Variants in FER1L6 observed in about 807,000 individuals in gnomAD.
FER1L6 encodes the protein fer-1-like protein 6.
FER1L6 carries 177 observed loss-of-function variants against 219.2 expected under a neutral mutation model. The ratio of observed to expected loss-of-function variants is 0.81; its 90% CI spans 0.71 to 0.91. The LOEUF (loss-of-function observed/expected upper bound fraction) is 0.91, where lower values mean the gene tolerates loss of function less well. Among genes scored for constraint, FER1L6 ranks in the 40% least tolerant of loss-of-function variants. The probability of loss-of-function intolerance (pLI) is 0.00; values close to 1 mark genes in which losing one functional copy is unlikely to be tolerated. For synonymous variants in FER1L6, 768 were observed against 824.3 expected (o/e 0.93, Z 1.17); for missense variants, 2,153 against 2,259.9 (o/e 0.95, Z 0.96).
At chr8:124,071,075 T>C (rs1172860884) in intron 30 of FER1L6, among the ~76,000 whole-genome samples, 2 of 152,222 alleles carry the variant, frequency 1.3e-5, no homozygotes, top group Non-Finnish European at 2.9e-5. Flanking sequence ...AGTTTGCCCA[T>C]CTGGATTCAA....
At chr8:123,954,143 G>A (rs1443600168) in intron 1 of FER1L6, among the ~76,000 whole-genome samples, 1 of 152,168 alleles carries the variant, frequency 6.6e-6, no homozygotes, top group African/African-American at 2.4e-5. Context: ...GGAAACTGAG[G>A]ATCAGGGAGG....
intron 39 of FER1L6, among the ~76,000 whole-genome samples, chr8:124,107,776 C>G (rs1002229567): frequency 2.0e-5 from 3 of 152,032 alleles, no homozygotes; most frequent in Non-Finnish European, 4.4e-5. Flanking sequence ...TTCGGAGGGT[C>G]CATTTGAAGA....
chr8:124,084,668 A>G (rs1167964773), intron 33 of FER1L6, among the ~76,000 whole-genome samples: 1 of 152,012 alleles, frequency 6.6e-6, no homozygotes, highest in Non-Finnish European at 1.5e-5. Context: ...GTTTGCTAGT[A>G]TTTTGTTGAA....
At chr8:124,056,968 TG>T (rs1210945801) in intron 22 of FER1L6, among the ~76,000 whole-genome samples, 1 of 152,096 alleles carries the variant, frequency 6.6e-6, no homozygotes, top group Non-Finnish European at 1.5e-5. Context: ...TGCTTGAACC[TG>T]GGAGGCGGAG....
At chr8:124,068,654 A>G (rs1240084020) in intron 28 of FER1L6, among the ~76,000 whole-genome samples, 1 of 152,222 alleles carries the variant, frequency 6.6e-6, no homozygotes, top group Non-Finnish European at 1.5e-5. Flanking sequence ...CTTTGGAGTC[A>G]GTCCAAGTTC....
chr8:124,070,875 G>A (rs533840285), intron 30 of FER1L6, among the ~76,000 whole-genome samples: 40 of 152,186 alleles, frequency 2.6e-4, no homozygotes, highest in African/African-American at 9.2e-4. Flanking sequence ...TCTCCCCTCC[G>A]GCATACCAAA....
chr8:123,981,990 T>A lies in FER1L6; in HGVS notation c.1410+1179T>A, dbSNP rs116051426. On this transcript the variant is annotated intron_variant, in intron 11 of 40. Transcript: ENST00000522917. ...GAAGCAGCTATTCAGAGCTTTCCAA[T>A]CTGTTTGTGACTTTGGAAACTTAGT... 5.4e-3 allele frequency among the ~76,000 whole-genome samples: 817 copies of A among 152,294 alleles called. 7 individuals carry two copies. Among genetic ancestry groups the A allele is most frequent in the African/African-American group, 0.019 (774 of 41,576 alleles).
chr8:124,112,941 C>T (rs1275918802), intron 39 of FER1L6, among the ~76,000 whole-genome samples: 1 of 152,086 alleles, frequency 6.6e-6, no homozygotes, highest in Non-Finnish European at 1.5e-5. Context: ...AAAAATAGCA[C>T]ACATATGTAT....
At chr8:124,115,781 TAA>T (rs1465910969) in intron 39 of FER1L6, among the ~76,000 whole-genome samples, 12 of 152,172 alleles carry the variant, frequency 7.9e-5, no homozygotes, top group Non-Finnish European at 1.6e-4. Flanking sequence ...CAGTGAGACT[TAA>T]AGAGAGCAGG....
chr8:124,085,316 A>G (rs141785679), intron 33 of FER1L6, among the ~76,000 whole-genome samples: 71 of 152,062 alleles, frequency 4.7e-4, no homozygotes, highest in African/African-American at 1.7e-3. Flanking sequence ...ATATTGTTAC[A>G]TTATTTATTT....
intron 1 of FER1L6, among the ~76,000 whole-genome samples, chr8:123,950,287 G>A (rs1303145839): frequency 2.0e-5 from 3 of 152,190 alleles, no homozygotes; most frequent in Admixed American, 1.3e-4. Flanking sequence ...GGAGAAGATG[G>A]AGGCCAGTGA....
chr8:124,016,224 G>C (rs1818193920), intron 15 of FER1L6, among the ~76,000 whole-genome samples: 1 of 152,080 alleles, frequency 6.6e-6, no homozygotes, highest in Non-Finnish European at 1.5e-5. Flanking sequence ...GGCAGGAATG[G>C]GGCAACAAGA....
At chr8:124,035,680 C>G (rs1193490250) in intron 19 of FER1L6, among the ~76,000 whole-genome samples, 1 of 152,180 alleles carries the variant, frequency 6.6e-6, no homozygotes, top group Non-Finnish European at 1.5e-5. Flanking sequence ...TTATGTTTCT[C>G]TGTTAATAGA....
intron 17 of FER1L6, among the ~76,000 whole-genome samples, chr8:124,022,242 T>C (rs1818488255): frequency 2.6e-5 from 4 of 152,178 alleles, no homozygotes. Context: ...CCTGGAGGCA[T>C]ATTACTCGGT....
At chr8:123,931,312 ACTGGAAGAATCAGCT>A (rs1387495615) in intron 1 of FER1L6, among the ~76,000 whole-genome samples, 4 of 152,170 alleles carry the variant, frequency 2.6e-5, no homozygotes, top group Non-Finnish European at 5.9e-5. Flanking sequence ...CTGGTAGAAG[ACTGGAAGAATCAGCT>A]CTCTTTCTCT....
intron 18 of FER1L6, among the ~76,000 whole-genome samples, chr8:124,030,844 C>T (rs944122231): frequency 1.3e-5 from 2 of 152,036 alleles, no homozygotes; most frequent in African/African-American, 4.8e-5. Context: ...TGAGTTACTA[C>T]CTCTCTCTCT....
At chr8:124,085,164 T>G (rs1359183131) in intron 33 of FER1L6, among the ~76,000 whole-genome samples, 2 of 152,076 alleles carry the variant, frequency 1.3e-5, no homozygotes, top group African/African-American at 2.4e-5. Context: ...ATTTAGGAGG[T>G]CTCCCATTTT....
At chr8:123,895,287 T>G (rs1476698716) in intron 1 of FER1L6, among the ~76,000 whole-genome samples, 2 of 152,172 alleles carry the variant, frequency 1.3e-5, no homozygotes, top group African/African-American at 2.4e-5. Context: ...GAAGGAGACT[T>G]GAGAGATGTG....
chr8:123,944,839 T>A (rs1211919778), intron 1 of FER1L6, among the ~76,000 whole-genome samples: 1 of 152,140 alleles, frequency 6.6e-6, no homozygotes, highest in African/African-American at 2.4e-5. Flanking sequence ...TAAAGTGTTG[T>A]ATGAATAGGA....
Sources: allele counts gnomAD v4.1 joint callset (sites outside exome capture counted in the v4.1 genomes callset), GRCh38; gene constraint gnomAD v4.1.1; transcripts MANE v1.5; gene names NCBI Gene and HGNC (gene_info 2026-07-23, HGNC 2026-07-21).